Variants in GPHN observed in about 807,000 individuals in gnomAD.
GPHN encodes gephyrin.
A neutral mutation model predicts 95.5 loss-of-function variants in GPHN; 17 were observed. The ratio of observed to expected loss-of-function variants is 0.18; its 90% confidence interval spans 0.12 to 0.27. The LOEUF is 0.27. Among genes scored for constraint, GPHN ranks in the 10% least tolerant of loss-of-function variants. The probability of loss-of-function intolerance (pLI) is 1.00; values close to 1 mark genes in which losing one functional copy is unlikely to be tolerated. For missense variants in GPHN, 660 were observed against 978.1 expected (o/e 0.67, Z 4.34); for synonymous variants, 320 against 322.5 (o/e 0.99, Z 0.08).
chr14:66,522,365 C>T lies in GPHN; in HGVS notation c.64+13774C>T, dbSNP rs75796287. Among the ~76,000 whole-genome samples the T allele has an allele frequency of 3.1e-3, 472 of 152,006 alleles. 24 individuals carry two copies. In the East Asian group the frequency reaches 0.083, roughly 27 times the overall value. The stretch of plus-strand genomic sequence containing the variant: ...AAATTTTGTTCTAGCAACACTTGTC[C>T]GGGAGATGTTATAGTATGTATTATA... On this transcript the variant is annotated intron_variant, in intron 1 of 22. Transcript: ENST00000478722.
the GPHN span, among the ~76,000 whole-genome samples, chr14:67,633,206 G>A: frequency 1.5e-3 from 228 of 152,114 alleles, no homozygotes; most frequent in African/African-American, 5.1e-3. Context: ...TTGTTTTTAA[G>A]TTTGAGTTGA....
At chr14:66,661,642 G>A (rs1444557272) in intron 1 of GPHN, among the ~76,000 whole-genome samples, 4 of 151,856 alleles carry the variant, frequency 2.6e-5, no homozygotes, top group South Asian at 4.2e-4. Context: ...CAACATGGCC[G>A]ACTACTTCTT....
At chr14:66,674,502 C>G (rs1316192613) in intron 1 of GPHN, among the ~76,000 whole-genome samples, 1 of 152,196 alleles carries the variant, frequency 6.6e-6, no homozygotes, top group African/African-American at 2.4e-5. Context: ...ATTCTACTCT[C>G]TACGTCTATG....
chr14:67,292,793 T>C, the GPHN span: 2 of 1,118,782 alleles, frequency 1.8e-6, no homozygotes. Flanking sequence ...TATTGGAAAA[T>C]ACTAATGTGA....
chr14:66,845,651 C>A (rs747074067), intron 4 of GPHN, among the ~76,000 whole-genome samples: 5 of 152,034 alleles, frequency 3.3e-5, no homozygotes, highest in African/African-American at 1.2e-4. Context: ...TTTAGAGGAA[C>A]CAGCAATGGG....
chr14:67,616,025 G>T, the GPHN span: 1 of 303,772 alleles, frequency 3.3e-6, no homozygotes. Context: ...AAAAAAGCAA[G>T]AAAAAGAAAG....
chr14:67,340,572 ATTATCAGTGCTCATTTGTATAACAG>A, the GPHN span: 2 of 1,395,148 alleles, frequency 1.4e-6, no homozygotes, highest in African/African-American at 2.8e-5. Flanking sequence ...CTTTTTTCAA[ATTATCAGTGCTCATTTGTATAACAG>A]TTATTTTTTC....
At chr14:67,137,522 T>G (rs936456976) in intron 17 of GPHN, among the ~76,000 whole-genome samples, 3 of 152,022 alleles carry the variant, frequency 2.0e-5, no homozygotes, top group Non-Finnish European at 4.4e-5. Context: ...CCAGCACTTT[T>G]GGAGGCTGAG....
chr14:67,112,559 A>G (rs1247987473), intron 15 of GPHN, among the ~76,000 whole-genome samples: 4 of 152,148 alleles, frequency 2.6e-5, no homozygotes, highest in South Asian at 2.1e-4. Flanking sequence ...TATGGAAATT[A>G]CCTCTATGAC....
At chr14:67,113,976 G>A (rs1358976797) in intron 16 of GPHN, among the ~76,000 whole-genome samples, 5 of 151,936 alleles carry the variant, frequency 3.3e-5, no homozygotes, top group African/African-American at 1.2e-4. Context: ...AAAGATTAGC[G>A]GGATTTTTTA....
chr14:66,929,665 A>G (rs1247087829), intron 8 of GPHN, among the ~76,000 whole-genome samples: 3 of 148,482 alleles, frequency 2.0e-5, no homozygotes, highest in African/African-American at 4.9e-5. Context: ...CTTGCATGGT[A>G]TATCTTTTTC....
chr14:66,898,949 T>A (rs1241336938), intron 5 of GPHN, among the ~76,000 whole-genome samples: 1 of 151,908 alleles, frequency 6.6e-6, no homozygotes, highest in Non-Finnish European at 1.5e-5. Context: ...GATTTACACT[T>A]AAGTATTTAA....
chr14:66,608,770 G>C (rs907608895), intron 1 of GPHN, among the ~76,000 whole-genome samples: 3 of 152,094 alleles, frequency 2.0e-5, no homozygotes, highest in African/African-American at 7.2e-5. Flanking sequence ...ATTGTTTTCA[G>C]TTTAAAGTCT....
At chr14:66,748,255 A>T (rs2058233019) in intron 2 of GPHN, among the ~76,000 whole-genome samples, 1 of 152,112 alleles carries the variant, frequency 6.6e-6, no homozygotes, top group South Asian at 2.1e-4. Context: ...TCATTTTTAA[A>T]TTTAAATTGC....
At chr14:67,295,172 A>C in the GPHN span, among the ~76,000 whole-genome samples, 1 of 150,140 alleles carries the variant, frequency 6.7e-6, no homozygotes. Flanking sequence ...TATATAAAGA[A>C]CTCTTGTTGG....
chr14:67,578,668 A>G, the GPHN span: 1 of 1,259,866 alleles, frequency 7.9e-7, no homozygotes. The surrounding 1 kb of genome is among the most constrained non-coding windows in gnomAD (Gnocchi z 5.0). Context: ...CCACTTGAGC[A>G]CTGCCAACTG....
At chr14:66,900,651 C>T (rs1835768780) in intron 5 of GPHN, among the ~76,000 whole-genome samples, 1 of 151,858 alleles carries the variant, frequency 6.6e-6, no homozygotes, top group South Asian at 2.1e-4. Context: ...ATTCTTCCTT[C>T]TGTGCTTGCC....
intron 1 of GPHN, among the ~76,000 whole-genome samples, chr14:66,564,925 T>C (rs1444326160): frequency 6.6e-6 from 1 of 152,164 alleles, no homozygotes; most frequent in Non-Finnish European, 1.5e-5. Context: ...ACTAGTGTTC[T>C]TGTCCTTCTT....
the GPHN span, among the ~76,000 whole-genome samples, chr14:67,368,056 T>C: frequency 2.2e-4 from 34 of 152,308 alleles, no homozygotes; most frequent in Admixed American, 4.6e-4. Flanking sequence ...AAACTTTTAC[T>C]ACTTATATTG....
Sources: allele counts gnomAD v4.1 joint callset (sites outside exome capture counted in the v4.1 genomes callset), GRCh38; gene constraint gnomAD v4.1.1; non-coding constraint Gnocchi (gnomAD v3.1); transcripts MANE v1.5; gene names NCBI Gene and HGNC (gene_info 2026-07-23, HGNC 2026-07-21).